BCAR3: variants seen among roughly 807,000 people sequenced by gnomAD.
BCAR3 encodes breast cancer anti-estrogen resistance protein 3.
In BCAR3, 37 loss-of-function variants were observed where a neutral mutation model predicts 80.1. The ratio of observed to expected loss-of-function variants is 0.46; its 90% confidence interval spans 0.36 to 0.61. The LOEUF (loss-of-function observed/expected upper bound fraction) is 0.61, where lower values mean the gene tolerates loss of function less well. BCAR3 is among the 20% of genes least tolerant of loss of function. BCAR3 has a pLI of 0.00. For missense variants in BCAR3, 978 were observed against 1,068.2 expected (o/e 0.92, Z 1.18); for synonymous variants, 389 against 418.9 (o/e 0.93, Z 0.87).
At chr1:93,809,562 G>A (rs1270127832) in intron 2 of BCAR3, among the ~76,000 whole-genome samples, 1 of 151,984 alleles carries the variant, frequency 6.6e-6, no homozygotes, top group Non-Finnish European at 1.5e-5. Context: ...GGGGTTAGGA[G>A]TTTGAGACCA....
At position 93,562,091 on chromosome 1, in the gene BCAR3, G is replaced by T; in HGVS notation, c.*150C>A. 1 of 699,540 alleles carries T rather than the reference G, an allele frequency of 1.4e-6. No homozygotes were observed. The highest frequency in any genetic ancestry group is 2.2e-6 in the Non-Finnish European group (1 of 448,596). 43.3% of individuals were successfully genotyped at this position (699,540 alleles called of 1,614,324 possible). On this transcript the variant is annotated 3_prime_UTR_variant, in exon 12 of 12. Transcript: ENST00000260502. The stretch of plus-strand genomic sequence containing the variant: ...GACAATTCATAAATAAGTGTGCTCT[G>T]TGCAATTTACACGTTTAATATCCTG...
chr1:93,649,598 C>T (rs1676259668), intron 2 of BCAR3, among the ~76,000 whole-genome samples: 1 of 150,694 alleles, frequency 6.6e-6, no homozygotes, highest in Admixed American at 6.6e-5. Context: ...AAGGGTTTTA[C>T]AAATAAATCT....
chr1:93,699,761 A>T (rs569037746), intron 3 of BCAR3, among the ~76,000 whole-genome samples: 4 of 152,296 alleles, frequency 2.6e-5, no homozygotes, highest in South Asian at 2.1e-4. Flanking sequence ...CTGAGTGCTT[A>T]TTATGTAATA....
intron 3 of BCAR3, among the ~76,000 whole-genome samples, chr1:93,593,125 C>T (rs1262842540): frequency 6.6e-6 from 1 of 152,126 alleles, no homozygotes. Flanking sequence ...GGGTGGACAG[C>T]GGTGGCTCCA....
At chr1:93,826,304 G>A (rs1654371205) in intron 2 of BCAR3, among the ~76,000 whole-genome samples, 1 of 152,026 alleles carries the variant, frequency 6.6e-6, no homozygotes, top group South Asian at 2.1e-4. Flanking sequence ...TGTCTCTTCT[G>A]CCTGAGCTGC....
chr1:93,574,916 GC>G (rs1453711371), intron 8 of BCAR3, among the ~76,000 whole-genome samples: 4 of 152,202 alleles, frequency 2.6e-5, no homozygotes, highest in Non-Finnish European at 5.9e-5. Context: ...CCACATGGCT[GC>G]AATTCAGCAT....
chr1:93,831,518 T>C (rs933086714), intron 2 of BCAR3, among the ~76,000 whole-genome samples: 1 of 152,224 alleles, frequency 6.6e-6, no homozygotes, highest in Non-Finnish European at 1.5e-5. Context: ...GCAAATGGTC[T>C]GAGGTGCCTG....
chr1:93,755,897 C>T (rs554947485), intron 2 of BCAR3, among the ~76,000 whole-genome samples: 2 of 152,122 alleles, frequency 1.3e-5, no homozygotes, highest in Non-Finnish European at 2.9e-5. Context: ...TGTCCCATCT[C>T]GAGGTTATCT....
At chr1:93,842,960 T>C (rs1557707334) in intron 2 of BCAR3, among the ~76,000 whole-genome samples, 1 of 152,228 alleles carries the variant, frequency 6.6e-6, no homozygotes, top group Non-Finnish European at 1.5e-5. Context: ...TGAGATATTT[T>C]AGGATGAAAA....
chr1:93,762,957 CT>C (rs1260722128), intron 2 of BCAR3, among the ~76,000 whole-genome samples: 1 of 152,226 alleles, frequency 6.6e-6, no homozygotes, highest in East Asian at 1.9e-4. Context: ...GTTCTTCCTG[CT>C]TTCTCTCTTG....
intron 3 of BCAR3, among the ~76,000 whole-genome samples, chr1:93,598,073 G>A (rs1674491222): frequency 6.6e-6 from 1 of 152,228 alleles, no homozygotes; most frequent in East Asian, 1.9e-4. Flanking sequence ...CTGCAGACGT[G>A]CTGGGAACCT....
At chr1:93,573,478 A>G (rs771461478) in intron 8 of BCAR3, among the ~76,000 whole-genome samples, 2 of 151,886 alleles carry the variant, frequency 1.3e-5, no homozygotes, top group African/African-American at 2.4e-5. Flanking sequence ...GTCTCTGTAC[A>G]TGTCTCTCCC....
chr1:93,727,124 A>G (rs1346188794), intron 2 of BCAR3, among the ~76,000 whole-genome samples: 1 of 152,134 alleles, frequency 6.6e-6, no homozygotes, highest in Non-Finnish European at 1.5e-5. Flanking sequence ...TTTCATTGTA[A>G]GCCTGCATTG....
At chr1:93,712,315 A>T (rs1454602259) in intron 2 of BCAR3, among the ~76,000 whole-genome samples, 1 of 152,232 alleles carries the variant, frequency 6.6e-6, no homozygotes, top group African/African-American at 2.4e-5. Flanking sequence ...AGTCAATGGC[A>T]TAAAGCTGAG....
chr1:93,846,105 C>T (rs1183709755), intron 1 of BCAR3, among the ~76,000 whole-genome samples: 2 of 152,108 alleles, frequency 1.3e-5, no homozygotes, highest in Admixed American at 1.3e-4. Context: ...ATAAAGGGGA[C>T]GGTGGTGTGT....
At chr1:93,624,940 G>A (rs1675411963) in intron 3 of BCAR3, among the ~76,000 whole-genome samples, 1 of 152,216 alleles carries the variant, frequency 6.6e-6, no homozygotes, top group Admixed American at 6.5e-5. Flanking sequence ...GCCAGGCGCG[G>A]TGGCTCATGC....
chr1:93,565,556 T>C (rs1672908627), intron 11 of BCAR3, among the ~76,000 whole-genome samples: 1 of 152,230 alleles, frequency 6.6e-6, no homozygotes. Flanking sequence ...TTTAAAGCTG[T>C]AGAGCAGCTT....
intron 2 of BCAR3, among the ~76,000 whole-genome samples, chr1:93,811,227 T>C (rs1653829807): frequency 6.6e-6 from 1 of 152,070 alleles, no homozygotes; most frequent in South Asian, 2.1e-4. Flanking sequence ...CCTGAAGGTG[T>C]GGGACATCCC....
intron 2 of BCAR3, among the ~76,000 whole-genome samples, chr1:93,817,762 G>A (rs1441042819): frequency 1.3e-5 from 2 of 152,142 alleles, no homozygotes; most frequent in Non-Finnish European, 2.9e-5. Flanking sequence ...TCCTGGCTTT[G>A]ATGGGCTACA....
Sources: allele counts gnomAD v4.1 joint callset (sites outside exome capture counted in the v4.1 genomes callset), GRCh38; gene constraint gnomAD v4.1.1; transcripts MANE v1.5; gene names NCBI Gene and HGNC (gene_info 2026-07-23, HGNC 2026-07-21).